Variants in OSBPL3 observed in about 807,000 individuals in gnomAD.
The protein encoded by OSBPL3 is oxysterol binding protein like 3, also known as oxysterol-binding protein-related protein 3.
Under a neutral mutation model 120.1 loss-of-function variants are expected in OSBPL3, and 65 were observed. The observed-to-expected ratio is 0.54, with a 90% confidence interval of 0.44 to 0.67. The LOEUF (loss-of-function observed/expected upper bound fraction) is 0.67. Ranked by LOEUF, OSBPL3 falls within the 30% of genes least tolerant of loss-of-function variation. The pLI, the probability that OSBPL3 is intolerant of heterozygous loss-of-function variation, is 0.00. For synonymous variants in OSBPL3, 416 were observed against 402.6 expected, an observed-to-expected ratio of 1.03 and a Z score of -0.40; for missense variants, 1,004 against 1,082.1, an observed-to-expected ratio of 0.93 and a Z score of 1.01.
chr7:24,834,137 G>A lies in OSBPL3; in HGVS notation c.1746+349C>T. 2.9e-6 allele frequency: 3 copies of A among 1,017,102 alleles called. No homozygotes were observed. Among genetic ancestry groups the A allele is most frequent in the Non-Finnish European group, 3.6e-6 (3 of 843,702 alleles). 63.0% of individuals were successfully genotyped at this position (1,017,102 alleles called of 1,614,324 possible). On this transcript the variant is annotated intron_variant, in intron 15 of 22. Coordinates refer to ENST00000313367, the MANE Select transcript of OSBPL3 (RefSeq NM_015550.4). The surrounding 1 kb of genome is among the most constrained non-coding windows in gnomAD (Gnocchi z 5.2). Reference sequence around the variant, plus strand: ...AATTAAATTCTGTCCACCCAGGGAAGTAAAAATAAACATGCAGACAGCCCT... The same window carrying A: ...AATTAAATTCTGTCCACCCAGGGAAATAAAAATAAACATGCAGACAGCCCT...
Position 24,855,674 on chromosome 7 carries a change from C to T in OSBPL3, c.1028-3040G>A, listed in dbSNP as rs1222115911. On this transcript the variant is annotated intron_variant, in intron 10 of 22. Transcript: ENST00000313367. The surrounding 1 kb of genome is among the most constrained non-coding windows in gnomAD (Gnocchi z 4.3). ...ATGATCAGAGGTTGCTCATGAGAGA[C>T]CACATTTATATTAATTGTTTAAGAC... is the stretch of plus-strand genomic sequence containing the variant. 1.3e-5 allele frequency among the ~76,000 whole-genome samples: 2 copies of T among 152,166 alleles called. No individual in the cohort carries two copies. The highest frequency in any genetic ancestry group is 4.8e-5 in the African/African-American group (2 of 41,416).
chr7:24,929,243 G>T (rs1004495969), intron 1 of OSBPL3, among the ~76,000 whole-genome samples: 1 of 152,196 alleles, frequency 6.6e-6, no homozygotes, highest in Non-Finnish European at 1.5e-5. Context: ...GTTTCGTTCA[G>T]TGTGTAACTT....
chr7:24,929,820 GTATGT>G (rs1291903558), intron 1 of OSBPL3, among the ~76,000 whole-genome samples: 7 of 152,314 alleles, frequency 4.6e-5, no homozygotes, highest in African/African-American at 1.7e-4. Context: ...CCTTGGTCAT[GTATGT>G]TTTGCTCACT....
In OSBPL3 at chr7:24,851,999, T is replaced by C. The variant is rs1799216555; in HGVS notation, c.1158+505A>G. On this transcript the variant is annotated intron_variant, in intron 11 of 22. Transcript: ENST00000313367. The surrounding 1 kb of genome is among the most constrained non-coding windows in gnomAD (Gnocchi z 4.1). ...CAGGGAAGCTAAATGTCTTGTACTA[T>C]CCCATCAAACAAAATAGCTCTCATG... 6.6e-6 allele frequency among the ~76,000 whole-genome samples: 1 copy of C among 152,190 alleles called. No individual in the cohort carries two copies. The highest frequency in any genetic ancestry group is 2.1e-4 in the South Asian group (1 of 4,828).
intron 2 of OSBPL3, among the ~76,000 whole-genome samples, chr7:24,874,838 C>A (rs1397464874): frequency 6.6e-6 from 1 of 152,188 alleles, no homozygotes. Context: ...CTGGACTGGA[C>A]ATCCAAATCT....
rs1038228217 is a variant in OSBPL3 at position 24,938,928 on chromosome 7, A to C, written c.-150+40958T>G. ...AATGGGAGGCAACATTATTTGACAT[A>C]GTAAATGATGTGATTAATTAAGATG... On this transcript the variant is annotated intron_variant, in intron 1 of 22. Transcript: ENST00000313367. This position sits in a 1 kb window ranked among gnomAD's most constrained non-coding sequence, Gnocchi z 5.8. Among the ~76,000 whole-genome samples the C allele has an allele frequency of 1.3e-5, 2 of 152,104 alleles. No individual in the cohort carries two copies. The highest frequency in any genetic ancestry group is 4.8e-5 in the African/African-American group (2 of 41,422).
chr7:24,916,918 A>AC lies in OSBPL3; in HGVS notation c.-149-24298dup, dbSNP rs113612398. On this transcript the variant is annotated intron_variant, in intron 1 of 22. Coordinates refer to ENST00000313367, the MANE Select transcript of OSBPL3 (RefSeq NM_015550.4). This position sits in a 1 kb window ranked among gnomAD's most constrained non-coding sequence, Gnocchi z 4.9. ...AGCCACTAAGACGTCTTCCATTTCC[A>AC]CCCCCCCCAACCTTTTTAGAAAATT... Among the ~76,000 whole-genome samples the AC allele has an allele frequency of 0.09, 13,131 of 145,652 alleles. 1,097 individuals are homozygous for AC. Among genetic ancestry groups the AC allele is most frequent in the African/African-American group, 0.2 (7,973 of 40,006 alleles).
Position 24,922,984 on chromosome 7 carries a change from A to G in OSBPL3, c.-149-30363T>C, listed in dbSNP as rs1354100497. Among the ~76,000 whole-genome samples the G allele has an allele frequency of 6.6e-6, 1 of 152,254 alleles. No homozygotes were observed. The highest frequency in any genetic ancestry group is 1.5e-5 in the Non-Finnish European group (1 of 68,044). On this transcript the variant is annotated intron_variant, in intron 1 of 22. Transcript: ENST00000313367. This position sits in a 1 kb window ranked among gnomAD's most constrained non-coding sequence, Gnocchi z 4.3. ...AAAAGAATAAGAAAAAGAAAAAAAC[A>G]TATAAACATGACCATCAGAGATACT...
rs1391687301 is a variant in OSBPL3 at position 24,806,575 on chromosome 7, T to C, written c.2444+201A>G. ...TTCAATGCAAATGGGGCTTTACAGA[T>C]AATAAAGGCCATGCCACACATGGAT... On this transcript the variant is annotated intron_variant, in intron 21 of 22. Transcript: ENST00000313367. This position sits in a 1 kb window ranked among gnomAD's most constrained non-coding sequence, Gnocchi z 5.2. 6.6e-6 allele frequency among the ~76,000 whole-genome samples: 1 copy of C among 152,124 alleles called. No homozygotes were observed. Among genetic ancestry groups the C allele is most frequent in the East Asian group, 1.9e-4 (1 of 5,198 alleles).
Position 24,806,836 on chromosome 7 carries a change from A to C in OSBPL3, c.2384T>G (p.Met795Arg). ...CAATAAAGACTTTGATGATGGATCCATTTCATTTAATTCCAGCGCAAACTG... is the reference window on the plus strand; with the variant it reads ...CAATAAAGACTTTGATGATGGATCCCTTTCATTTAATTCCAGCGCAAACTG... ...FTQFALELNEMDPSSKSLLPP... is the reference protein window; with the variant it reads ...FTQFALELNERDPSSKSLLPP... Residue 795 changes from methionine to arginine, a missense_variant, in exon 21 of 23, where the codon ATG becomes AGG. Physicochemically the swap from Met to Arg is moderately conservative, Grantham distance 91 (BLOSUM62 -1). Around this residue, in one of 4 missense-constraint regions of OSBPL3, gnomAD observed 473 missense variants for 568.0 expected, o/e 0.83. Transcript: ENST00000313367. This position sits in a 1 kb window ranked among gnomAD's most constrained non-coding sequence, Gnocchi z 5.2. 1 of 1,613,768 alleles carries C rather than the reference A, an allele frequency of 6.2e-7. No homozygotes were observed. Among genetic ancestry groups the C allele is most frequent in the Non-Finnish European group, 8.5e-7 (1 of 1,179,642 alleles).
intron 15 of OSBPL3, among the ~76,000 whole-genome samples, chr7:24,832,513 G>GAAAAAA (rs1192440659): frequency 1.9e-5 from 2 of 103,884 alleles, no homozygotes; most frequent in African/African-American, 7.2e-5. Context: ...CTGCCTCAAA[G>GAAAAAA]AAAAAAAAAA....
chr7:24,803,525 T>C lies in OSBPL3; in HGVS notation c.2567+790A>G, dbSNP rs1175224745. ...GGCTGGGCACGGTGGCTCTTACCTG[T>C]ACTTTGGGAGGCTGAGGCAGGTGGA... On this transcript the variant is annotated intron_variant, in intron 22 of 22. Transcript: ENST00000313367. This position sits in a 1 kb window ranked among gnomAD's most constrained non-coding sequence, Gnocchi z 4.2. Among the ~76,000 whole-genome samples, 2 of 152,034 alleles carry C rather than the reference T, an allele frequency of 1.3e-5. No individual in the cohort carries two copies. Among genetic ancestry groups the C allele is most frequent in the African/African-American group, 4.8e-5 (2 of 41,410 alleles).
Position 24,953,681 on chromosome 7 carries a change from A to G in OSBPL3, c.-150+26205T>C, listed in dbSNP as rs759480504. Among the ~76,000 whole-genome samples, 109 of 152,332 alleles carry G rather than the reference A, an allele frequency of 7.2e-4. No individual in the cohort carries two copies. Among genetic ancestry groups the G allele is most frequent in the Non-Finnish European group, 1.3e-3 (89 of 68,024 alleles). On this transcript the variant is annotated intron_variant, in intron 1 of 22. Coordinates refer to ENST00000313367, the MANE Select transcript of OSBPL3 (RefSeq NM_015550.4). The surrounding 1 kb of genome is among the most constrained non-coding windows in gnomAD (Gnocchi z 4.3). ...GATTTGTATCCACTACCTATTTCAG[A>G]TCCTGGTACAGTAGGTGCCCAGTAA...
At chr7:24,869,231 A>C (rs1228319141) in intron 5 of OSBPL3, among the ~76,000 whole-genome samples, 1 of 152,198 alleles carries the variant, frequency 6.6e-6, no homozygotes, top group African/African-American at 2.4e-5. Flanking sequence ...CAGGTATTCT[A>C]ATTCTTTAAA....
intron 1 of OSBPL3, among the ~76,000 whole-genome samples, chr7:24,923,743 C>T (rs1042367394): frequency 6.6e-6 from 1 of 152,108 alleles, no homozygotes; most frequent in Non-Finnish European, 1.5e-5. Context: ...GTGGGGCAGG[C>T]GGGCGGCCGG....
Position 24,834,709 on chromosome 7 carries a change from G to A in OSBPL3, c.1523C>T (p.Ala508Val), listed in dbSNP as rs199614139. 1.8e-4 allele frequency: 297 copies of A among 1,612,534 alleles called. 1 individual carries two copies. The highest frequency in any genetic ancestry group is 7.7e-4 in the Admixed American group (46 of 59,976). The stretch of plus-strand genomic sequence containing the variant: ...CAGGCACGTTCTTCTCCGGGACTTC[G>A]CTTCCCGACCACTATCAAGGACAGG... ...LGPVLDSGRE[A>V]KSRRRTCLPA... is the part of the protein sequence containing the mutation. The change falls in exon 15 of 23, where the codon GCG becomes GTG. Residue 508 changes from alanine (A) to valine (V), a missense_variant. Ala to Val is a moderately conservative substitution (Grantham distance 64). Around this residue, in one of 4 missense-constraint regions of OSBPL3, gnomAD observed 473 missense variants for 568.0 expected, o/e 0.83. Transcript: ENST00000313367. The surrounding 1 kb of genome is among the most constrained non-coding windows in gnomAD (Gnocchi z 5.2).
At chr7:24,931,166 G>A (rs545083945) in intron 1 of OSBPL3, among the ~76,000 whole-genome samples, 62 of 152,280 alleles carry the variant, frequency 4.1e-4, no homozygotes, top group Admixed American at 7.8e-4. Flanking sequence ...AGAGGGAGGA[G>A]TATGAATGGC....
At chr7:24,981,197 G>C (rs1818303951), upstream of OSBPL3, among the ~76,000 whole-genome samples, 1 of 152,198 alleles carries the variant, frequency 6.6e-6, no homozygotes, top group African/African-American at 2.4e-5. The surrounding 1 kb of genome is among the most constrained non-coding windows in gnomAD (Gnocchi z 7.3). Flanking sequence ...TTAGTACTGA[G>C]AGGAGGGCCA....
At position 24,842,349 on chromosome 7, in the gene OSBPL3, A is replaced by T; in HGVS notation, c.1331T>A (p.Ile444Asn). The change falls in exon 13 of 23, where the codon ATC becomes AAC. Residue 444 changes from isoleucine (I) to asparagine (N), a missense_variant. Transcript: ENST00000313367. ...AAAAAACTCAGAAAGGGAGTCAGTG[A>T]TGGAGAGTCTACTTTCATTAGAAAG... ...HQLSNESRLS[I>N]TDSLSEFFDA... The T allele has an allele frequency of 6.2e-7, 1 of 1,612,714 alleles. No homozygotes were observed. The highest frequency in any genetic ancestry group is 1.7e-5 in the Admixed American group (1 of 60,000).
Sources: allele counts gnomAD v4.1 joint callset (sites outside exome capture counted in the v4.1 genomes callset), GRCh38; gene constraint gnomAD v4.1.1; regional missense constraint gnomAD v4.1.1; non-coding constraint Gnocchi (gnomAD v3.1); transcripts MANE v1.5; gene names NCBI Gene and HGNC (gene_info 2026-07-23, HGNC 2026-07-21).